The following FREM2 variants were observed in gnomAD, a reference collection of about 807,000 sequenced individuals.
FREM2 encodes FRAS1-related extracellular matrix protein 2.
FREM2 carries 119 observed loss-of-function variants against 219.9 expected under a neutral mutation model. That is an observed-to-expected ratio of 0.54 (90% CI 0.47 to 0.63). The LOEUF (loss-of-function observed/expected upper bound fraction) is 0.63. FREM2 is among the 30% of genes least tolerant of loss of function. The probability of loss-of-function intolerance (pLI) is 0.00; values close to 1 mark genes in which losing one functional copy is unlikely to be tolerated. For missense variants in FREM2, 4,030 were observed against 3,993.6 expected, an observed-to-expected ratio of 1.01 and a Z score of -0.25; for synonymous variants, 1,562 against 1,522.8, an observed-to-expected ratio of 1.03 and a Z score of -0.60.
At chr13:38,843,004 C>T (rs1877016824) in intron 6 of FREM2, among the ~76,000 whole-genome samples, 1 of 152,202 alleles carries the variant, frequency 6.6e-6, no homozygotes, top group South Asian at 2.1e-4. Context: ...ATAAAGACCT[C>T]AAGGGATAGA....
rs372004185 is a variant in FREM2, at chr13:38,705,504, G to T, written c.5263+7717G>T. On this transcript the variant is annotated intron_variant, in intron 2 of 23. Coordinates refer to ENST00000280481, the MANE Select transcript of FREM2 (RefSeq NM_207361.6). ...CTTTTCTTCCATCACAGTTAGAAGC[G>T]CAGCTTTAGGAGTGAGAGCTGGAAC... is the stretch of plus-strand genomic sequence containing the variant. 6.6e-5 allele frequency among the ~76,000 whole-genome samples: 10 copies of T among 152,262 alleles called. No individual in the cohort carries two copies. The East Asian group carries it at 1.2e-3, about 18-fold the overall frequency.
intron 6 of FREM2, among the ~76,000 whole-genome samples, chr13:38,842,928 T>G (rs35986835): frequency 0.074 from 11,200 of 152,282 alleles, 705 homozygotes; most frequent in Admixed American, 0.18. Flanking sequence ...AGCGCATTTA[T>G]GTTTAATGAG....
intron 4 of FREM2, chr13:38,779,548 C>T (rs372828693): frequency 3.8e-4 from 58 of 152,146 alleles, no homozygotes; most frequent in African/African-American, 1.3e-3. Flanking sequence ...ATGTCCCTAG[C>T]CACCAAGATT....
intron 2 of FREM2, among the ~76,000 whole-genome samples, chr13:38,762,989 G>T (rs1016739527): frequency 6.6e-6 from 1 of 152,076 alleles, no homozygotes; most frequent in South Asian, 2.1e-4. Flanking sequence ...AAGGTTTGGG[G>T]TTATTATAGA....
At chr13:38,879,637 T>C (rs371832497) in intron 23 of FREM2, among the ~76,000 whole-genome samples, 32 of 152,226 alleles carry the variant, frequency 2.1e-4, no homozygotes, top group African/African-American at 7.2e-4. Flanking sequence ...GTTATTTTCA[T>C]TCAACCTAAG....
intron 2 of FREM2, among the ~76,000 whole-genome samples, chr13:38,723,923 G>A (rs1185028293): frequency 6.6e-6 from 1 of 152,144 alleles, no homozygotes; most frequent in East Asian, 1.9e-4. Flanking sequence ...ACTTGCTCAA[G>A]GTCATACAGT....
chr13:38,756,065 C>T (rs895766859), intron 2 of FREM2, among the ~76,000 whole-genome samples: 1 of 152,194 alleles, frequency 6.6e-6, no homozygotes, highest in African/African-American at 2.4e-5. Flanking sequence ...CACTCCTGAG[C>T]ATATGCCAGA....
At chr13:38,799,986 T>C (rs1445340211) in intron 6 of FREM2, among the ~76,000 whole-genome samples, 2 of 152,328 alleles carry the variant, frequency 1.3e-5, no homozygotes, top group East Asian at 1.9e-4. Flanking sequence ...ATGATTGATA[T>C]ATGCGACTTT....
intron 18 of FREM2, among the ~76,000 whole-genome samples, chr13:38,875,512 A>T (rs1267184621): frequency 1.3e-5 from 2 of 152,224 alleles, no homozygotes; most frequent in Admixed American, 1.3e-4. Flanking sequence ...TTTCTTCTAC[A>T]TGCCTACCTT....
At chr13:38,797,284 A>G (rs776407281) in intron 6 of FREM2, among the ~76,000 whole-genome samples, 2 of 151,708 alleles carry the variant, frequency 1.3e-5, no homozygotes, top group African/African-American at 4.8e-5. Context: ...TTGTCTTTTT[A>G]ATATTAGCCA....
intron 6 of FREM2, among the ~76,000 whole-genome samples, chr13:38,842,979 C>T (rs1432984276): frequency 6.6e-6 from 1 of 152,144 alleles, no homozygotes; most frequent in African/African-American, 2.4e-5. Context: ...TGATCTATGT[C>T]CTTTATTTAA....
intron 1 of FREM2, among the ~76,000 whole-genome samples, chr13:38,696,599 A>G (rs1870115679): frequency 6.6e-6 from 1 of 152,184 alleles, no homozygotes; most frequent in African/African-American, 2.4e-5. Flanking sequence ...ATGATCTATT[A>G]TGAGTATCAC....
rs1298948656 is a variant in FREM2 at position 38,772,396 on chromosome 13, C to T, written c.5641+2588C>T. 7.2e-5 allele frequency among the ~76,000 whole-genome samples: 11 copies of T among 152,218 alleles called. 1 individual carries two copies. The highest frequency in any genetic ancestry group is 6.5e-4 in the Admixed American group (10 of 15,286). ...CGTTTAGAAGAAGGAATAAACAACTCGGCTTTATTTTAGGCTGGGAACTGG... is the reference window on the plus strand; with the variant it reads ...CGTTTAGAAGAAGGAATAAACAACTTGGCTTTATTTTAGGCTGGGAACTGG... On this transcript the variant is annotated intron_variant, in intron 4 of 23. Coordinates refer to ENST00000280481, the MANE Select transcript of FREM2 (RefSeq NM_207361.6).
At chr13:38,857,154 G>A (rs1200401393) in intron 12 of FREM2, among the ~76,000 whole-genome samples, 1 of 151,904 alleles carries the variant, frequency 6.6e-6, no homozygotes, top group African/African-American at 2.4e-5. Context: ...AATTCTTTTG[G>A]GTGAAAAGGA....
At chr13:38,834,347 C>G (rs1445202542) in intron 6 of FREM2, among the ~76,000 whole-genome samples, 2 of 152,164 alleles carry the variant, frequency 1.3e-5, no homozygotes, top group Non-Finnish European at 2.9e-5. Context: ...AGGACATGAA[C>G]TCATCCTTTT....
chr13:38,832,968 G>A (rs190762223), intron 6 of FREM2, among the ~76,000 whole-genome samples: 8 of 152,202 alleles, frequency 5.3e-5, no homozygotes, highest in African/African-American at 1.7e-4. Flanking sequence ...AAGCCCAGGA[G>A]GTGGAGGTTG....
intron 2 of FREM2, among the ~76,000 whole-genome samples, chr13:38,706,763 C>T (rs1291081104): frequency 6.6e-6 from 1 of 152,144 alleles, no homozygotes; most frequent in African/African-American, 2.4e-5. Flanking sequence ...TTCACATCTA[C>T]AATCACAAAC....
At chr13:38,790,221 C>T (rs1014640876) in intron 6 of FREM2, among the ~76,000 whole-genome samples, 2 of 152,182 alleles carry the variant, frequency 1.3e-5, no homozygotes, top group Admixed American at 1.3e-4. Context: ...TTTATTCTAA[C>T]TCACACATCT....
intron 6 of FREM2, among the ~76,000 whole-genome samples, chr13:38,839,496 G>A (rs1409461224): frequency 3.3e-5 from 5 of 152,182 alleles, no homozygotes; most frequent in African/African-American, 1.2e-4. Flanking sequence ...CACTGTGCTG[G>A]GAGATCTTCT....
Sources: allele counts gnomAD v4.1 joint callset (sites outside exome capture counted in the v4.1 genomes callset), GRCh38; gene constraint gnomAD v4.1.1; transcripts MANE v1.5; gene names NCBI Gene and HGNC (gene_info 2026-07-23, HGNC 2026-07-21).